MYO7A: variants seen among roughly 807,000 people sequenced by gnomAD.
MYO7A encodes the protein unconventional myosin-VIIa.
In MYO7A, 210 loss-of-function variants were observed where a neutral mutation model predicts 263.8. The ratio of observed to expected loss-of-function variants is 0.80; its 90% CI spans 0.71 to 0.89. The LOEUF is 0.89. MYO7A is among the 40% of genes least tolerant of loss of function. The pLI is 0.00. For missense variants in MYO7A, 2,820 were observed against 2,968.3 expected, an observed-to-expected ratio of 0.95 and a Z score of 1.16; for synonymous variants, 1,239 against 1,197.3, an observed-to-expected ratio of 1.03 and a Z score of -0.72.
At chr11:77,178,839 A>G (rs1242744850) in intron 19 of MYO7A, among the ~76,000 whole-genome samples, 1 of 152,216 alleles carries the variant, frequency 6.6e-6, no homozygotes, top group Non-Finnish European at 1.5e-5. Context: ...GGCTTATGTG[A>G]CAGGCCTGTG....
chr11:77,134,692 G>A (rs782535232), intron 2 of MYO7A, among the ~76,000 whole-genome samples: 6 of 148,552 alleles, frequency 4.0e-5, no homozygotes, highest in Admixed American at 1.3e-4. Context: ...TAATTTTTTT[G>A]TATGGCTTTG....
chr11:77,150,582 CTGACT>C (rs1245509625), intron 4 of MYO7A, among the ~76,000 whole-genome samples: 1 of 152,138 alleles, frequency 6.6e-6, no homozygotes, highest in Non-Finnish European at 1.5e-5. Context: ...CATAACCTTT[CTGACT>C]TATTTTCTGG....
chr11:77,202,197 C>T (rs1044903877), intron 36 of MYO7A, 103 bp from the exon 37 acceptor site: 10 of 1,411,754 alleles, frequency 7.1e-6, no homozygotes, highest in African/African-American at 1.4e-5. Context: ...GTCCATACCC[C>T]TGAAGAGTCT....
At position 77,213,949 on chromosome 11, in the gene MYO7A, C is replaced by T. The variant is rs778385849; in HGVS notation, c.6528C>T (p.Arg2176=). 7 of 1,614,070 alleles carry T rather than the reference C, an allele frequency of 4.3e-6. No individual in the cohort carries two copies. In the Admixed American group the frequency reaches 5.0e-5, roughly 12 times the overall value. The change falls in exon 48 of 49, where the codon CGC becomes CGT. Residue 2176 remains arginine (R), a synonymous_variant. Transcript: ENST00000409709. ...ACATCACCATTGGGAACTTGGTGCGCGGGAGCAAACTGCTCTGCGAGACGT... is the reference window on the plus strand; with the variant it reads ...ACATCACCATTGGGAACTTGGTGCGTGGGAGCAAACTGCTCTGCGAGACGT... ...YFHITIGNLV[R]GSKLLCETSL...
chr11:77,156,928 A>C lies in MYO7A; in HGVS notation c.659A>C (p.His220Pro). Residue 220 changes from histidine to proline, a missense_variant, in exon 7 of 49, where the codon CAC becomes CCC. Transcript: ENST00000409709. ...CGTTTCGGAAAGTACATCGACATCC[A>C]CTTCAACAAGCGGGGCGCCATCGAG... ...SSRFGKYIDI[H>P]FNKRGAIEGA... is the part of the protein sequence containing the mutation. 6.2e-7 allele frequency: 1 copy of C among 1,613,990 alleles called. No individual in the cohort carries two copies. Among genetic ancestry groups the C allele is most frequent in the Non-Finnish European group, 8.5e-7 (1 of 1,179,894 alleles).
rs780940577 is a variant in MYO7A at position 77,211,281 on chromosome 11, C to A, written c.6181C>A (p.Arg2061=). ...CTTCCCCAGCATCCCCAAGCTGCTG[C>A]GGGAGCTGGTGCCCCAGGACCTTAT... ...SYFPSIPKLL[R]ELVPQDLIRQ... The change falls in exon 45 of 49, where the codon CGG becomes AGG. Residue 2061 remains arginine, a synonymous_variant. Transcript: ENST00000409709. 1 of 1,581,250 alleles carries A rather than the reference C, an allele frequency of 6.3e-7. No homozygotes were observed. Among genetic ancestry groups the A allele is most frequent in the South Asian group, 1.2e-5 (1 of 86,006 alleles).
intron 39 of MYO7A, among the ~76,000 whole-genome samples, chr11:77,204,852 C>A (rs1353422191): frequency 6.6e-6 from 1 of 152,232 alleles, no homozygotes; most frequent in Non-Finnish European, 1.5e-5. Context: ...CAGTGCCAAA[C>A]CTTTGTACAT....
At chr11:77,200,467 A>G (rs1030674965) in intron 35 of MYO7A, among the ~76,000 whole-genome samples, 2 of 152,174 alleles carry the variant, frequency 1.3e-5, no homozygotes, top group Non-Finnish European at 2.9e-5. Flanking sequence ...GAACTCACTC[A>G]TTACCGTGAG....
chr11:77,213,882 T>A lies in MYO7A; in HGVS notation c.6461T>A (p.Phe2154Tyr). ...KTKDILTTHP[F>Y]TKISNWSSGN... ...CAGGATATCCTCACCACTCATCCCT[T>A]CACCAAGATCTCCAACTGGAGCAGC... The change falls in exon 48 of 49, where the codon TTC becomes TAC. Residue 2154 changes from phenylalanine (F) to tyrosine (Y), a missense_variant. By Grantham distance (22) the Phe-to-Tyr change is conservative (BLOSUM62 3). Transcript: ENST00000409709. 6.2e-7 allele frequency: 1 copy of A among 1,614,014 alleles called. No homozygotes were observed. The highest frequency in any genetic ancestry group is 8.5e-7 in the Non-Finnish European group (1 of 1,179,896).
chr11:77,207,024 A>C, intron 41 of MYO7A: 1 of 364,038 alleles, frequency 2.7e-6, no homozygotes, highest in Non-Finnish European at 5.0e-6. Flanking sequence ...TGGACCCCTC[A>C]CTGTCACTCA....
At chr11:77,162,539 A>G (rs1314180488) in intron 13 of MYO7A, among the ~76,000 whole-genome samples, 1 of 152,236 alleles carries the variant, frequency 6.6e-6, no homozygotes, top group African/African-American at 2.4e-5. Context: ...AGATCCATGC[A>G]TGCAGTTGGC....
In MYO7A at chr11:77,179,873, C is replaced by T. The variant is rs375510570; in HGVS notation, c.2506C>T (p.Arg836Cys). The T allele has an allele frequency of 3.4e-4, 528 of 1,540,992 alleles. 1 individual carries two copies. The highest frequency in any genetic ancestry group is 9.6e-4 in the Middle Eastern group (5 of 5,204). ...AYLVRKAFRHRLWAVLTVQAY... is the reference protein window; with the variant it reads ...AYLVRKAFRHCLWAVLTVQAY... ...TCTGGTGCGCAAGGCCTTCCGCCAC[C>T]GCCTCTGGGCTGTGCTCACCGTGCA... is the stretch of plus-strand genomic sequence containing the variant. Residue 836 changes from arginine to cysteine, a missense_variant, in exon 21 of 49, where the codon CGC (arginine) becomes TGC (cysteine). Coordinates refer to ENST00000409709, the MANE Select transcript of MYO7A (RefSeq NM_000260.4).
chr11:77,196,832 C>A (rs569100583), intron 32 of MYO7A, among the ~76,000 whole-genome samples: 1 of 152,162 alleles, frequency 6.6e-6, no homozygotes, highest in African/African-American at 2.4e-5. Context: ...CACTCTGACC[C>A]CTCCAATGCT....
At chr11:77,193,375 G>T (rs1043068837) in intron 31 of MYO7A, among the ~76,000 whole-genome samples, 9 of 150,788 alleles carry the variant, frequency 6.0e-5, no homozygotes, top group African/African-American at 2.0e-4. Flanking sequence ...TGACAGTGTT[G>T]TTGGTAATGA....
intron 47 of MYO7A, among the ~76,000 whole-genome samples, chr11:77,213,639 C>T (rs1000511860): frequency 2.0e-5 from 3 of 152,196 alleles, no homozygotes; most frequent in African/African-American, 7.2e-5. Context: ...TTTCCGAGTT[C>T]TGGCCCCAAG....
At position 77,208,525 on chromosome 11, in the gene MYO7A, G is replaced by A; in HGVS notation, c.5944+8G>A. 1.2e-6 allele frequency: 2 copies of A among 1,610,350 alleles called. No individual in the cohort carries two copies. The highest frequency in any genetic ancestry group is 1.7e-6 in the Non-Finnish European group (2 of 1,177,904). On this transcript the variant is annotated splice_region_variant and intron_variant, in intron 43 of 48. Transcript: ENST00000409709. ...CTCGGCCCATCAAGGACGGTAATGA[G>A]GCCGGGTCCTGGGATCATCTGAGGC...
intron 4 of MYO7A, among the ~76,000 whole-genome samples, chr11:77,154,220 C>G (rs1555059578): frequency 1.3e-5 from 2 of 152,234 alleles, no homozygotes. Context: ...TTAACCTCCC[C>G]TTTTACAAAT....
intron 48 of MYO7A, 89 bp from the exon 49 acceptor site, chr11:77,214,518 C>T (rs988544337): frequency 3.1e-6 from 3 of 960,220 alleles, no homozygotes; most frequent in South Asian, 1.4e-5. Flanking sequence ...GGGTTCTGCC[C>T]ATTGCAGATT....
Position 77,140,362 on chromosome 11 carries a change from A to G in MYO7A, c.19-2347A>G, listed in dbSNP as rs1295299490. Among the ~76,000 whole-genome samples the G allele has an allele frequency of 2.6e-5, 4 of 152,222 alleles. No homozygotes were observed. The South Asian group carries it at 6.2e-4, about 24-fold the overall frequency. On this transcript the variant is annotated intron_variant, in intron 2 of 48. Transcript: ENST00000409709. Reference sequence around the variant, plus strand: ...GCTGCATGTGGGACTGGGCCCAGGGAATGTCAGGAAAGAGCCCTGGATTTG... The same window carrying G: ...GCTGCATGTGGGACTGGGCCCAGGGGATGTCAGGAAAGAGCCCTGGATTTG...
Sources: allele counts gnomAD v4.1 joint callset (sites outside exome capture counted in the v4.1 genomes callset), GRCh38; gene constraint gnomAD v4.1.1; transcripts MANE v1.5; gene names NCBI Gene and HGNC (gene_info 2026-07-23, HGNC 2026-07-21).